The following RALA variants were observed in gnomAD, a reference collection of about 807,000 sequenced individuals.
RALA encodes the protein RAS like proto-oncogene A.
RALA carries 5 observed loss-of-function variants against 24.0 expected under a neutral mutation model. That is an observed-to-expected ratio of 0.21 (90% CI 0.11 to 0.44). The LOEUF is 0.44. RALA is among the 20% of genes least tolerant of loss of function. The pLI is 0.99. For synonymous variants in RALA, 77 were observed against 83.8 expected (o/e 0.92, Z 0.44); for missense variants, 95 against 241.2 (o/e 0.39, Z 4.01).
chr7:39,651,648 C>T (rs1792020112), intron 1 of RALA, among the ~76,000 whole-genome samples: 1 of 151,960 alleles, frequency 6.6e-6, no homozygotes, highest in South Asian at 2.1e-4. Context: ...GGCAGAAAGC[C>T]CTGGAAGTTA....
At chr7:39,659,757 G>A (rs1792155927) in intron 1 of RALA, among the ~76,000 whole-genome samples, 1 of 152,156 alleles carries the variant, frequency 6.6e-6, no homozygotes, top group Non-Finnish European at 1.5e-5. Context: ...GCAGAAAGGA[G>A]TACTAAAGCC....
intron 1 of RALA, among the ~76,000 whole-genome samples, chr7:39,627,452 A>C (rs548882323): frequency 6.6e-6 from 1 of 152,354 alleles, no homozygotes; most frequent in Non-Finnish European, 1.5e-5. Flanking sequence ...TGACATACAT[A>C]GTCTCCTTAA....
chr7:39,645,486 G>T (rs1243188110), intron 1 of RALA, among the ~76,000 whole-genome samples: 1 of 151,954 alleles, frequency 6.6e-6, no homozygotes, highest in Non-Finnish European at 1.5e-5. Flanking sequence ...AGTAATTGAG[G>T]GTTTTTTCTT....
intron 1 of RALA, among the ~76,000 whole-genome samples, chr7:39,634,633 A>G (rs556069214): frequency 5.9e-5 from 9 of 152,012 alleles, no homozygotes; most frequent in Non-Finnish European, 1.2e-4. Flanking sequence ...CCACTACCCT[A>G]TTAATCTCCA....
At chr7:39,697,971 G>GTGTA (rs1554298434) in intron 4 of RALA, among the ~76,000 whole-genome samples, 4,101 of 149,414 alleles carry the variant, frequency 0.027, 186 homozygotes, top group African/African-American at 0.09. Flanking sequence ...GTGTGTGTGT[G>GTGTA]TGTATGTGTG....
At chr7:39,625,850 A>G (rs78000862) in intron 1 of RALA, among the ~76,000 whole-genome samples, 3,770 of 152,344 alleles carry the variant, frequency 0.025, 67 homozygotes, top group Non-Finnish European at 0.041. Context: ...CTCTCCAAGT[A>G]TGTGGTGGTG....
chr7:39,647,034 T>C lies in RALA; in HGVS notation c.-38+23209T>C, dbSNP rs977465832. Among the ~76,000 whole-genome samples the C allele has an allele frequency of 3.9e-5, 6 of 152,314 alleles. No individual in the cohort carries two copies. In the East Asian group the frequency reaches 1.2e-3, roughly 29 times the overall value. Reference sequence around the variant, plus strand: ...ATAACTGAGTATTCCTGTTAGCTTATGAACAGATTCTTATTTATTTATTTT... The same window carrying C: ...ATAACTGAGTATTCCTGTTAGCTTACGAACAGATTCTTATTTATTTATTTT... On this transcript the variant is annotated intron_variant, in intron 1 of 4. Coordinates refer to ENST00000005257, the MANE Select transcript of RALA (RefSeq NM_005402.4).
intron 1 of RALA, among the ~76,000 whole-genome samples, chr7:39,680,782 C>G (rs1792581706): frequency 6.6e-6 from 1 of 152,128 alleles, no homozygotes; most frequent in African/African-American, 2.4e-5. Context: ...TCCCCCACCC[C>G]CATTTGAAGT....
intron 1 of RALA, among the ~76,000 whole-genome samples, chr7:39,682,988 G>A (rs968269872): frequency 5.9e-5 from 9 of 152,086 alleles, no homozygotes; most frequent in African/African-American, 2.2e-4. Flanking sequence ...TGGCAGTGGG[G>A]CTTTGGGAAG....
chr7:39,696,947 A>G (rs1792932834), intron 4 of RALA, 88 bp downstream of exon 4: 2 of 1,247,462 alleles, frequency 1.6e-6, no homozygotes, highest in Non-Finnish European at 2.2e-6. Context: ...AGTCTATGAA[A>G]CTTTCAAATA....
chr7:39,644,509 G>A (rs1791892577), intron 1 of RALA, among the ~76,000 whole-genome samples: 1 of 152,122 alleles, frequency 6.6e-6, no homozygotes. Context: ...AAATATGTAT[G>A]TGAATACTTT....
At chr7:39,639,279 ATTAC>A (rs1791739355) in intron 1 of RALA, among the ~76,000 whole-genome samples, 1 of 152,248 alleles carries the variant, frequency 6.6e-6, no homozygotes, top group Non-Finnish European at 1.5e-5. Flanking sequence ...AAGTAAGACT[ATTAC>A]TTAACCCAAT....
At chr7:39,698,037 C>T (rs1463694727) in intron 4 of RALA, among the ~76,000 whole-genome samples, 1 of 151,874 alleles carries the variant, frequency 6.6e-6, no homozygotes, top group African/African-American at 2.4e-5. Flanking sequence ...TGGAGGCTGG[C>T]GAGTCCAAGA....
intron 4 of RALA, among the ~76,000 whole-genome samples, chr7:39,702,045 T>C (rs569017305): frequency 6.6e-6 from 1 of 152,368 alleles, no homozygotes; most frequent in East Asian, 1.9e-4. Flanking sequence ...TGTGATTTAT[T>C]ATGTCAAGAG....
At chr7:39,628,627 C>G (rs963582966) in intron 1 of RALA, among the ~76,000 whole-genome samples, 1 of 152,228 alleles carries the variant, frequency 6.6e-6, no homozygotes, top group Non-Finnish European at 1.5e-5. Context: ...GCGATTTCGG[C>G]TCACTGCCGC....
At chr7:39,647,302 C>T (rs920113196) in intron 1 of RALA, among the ~76,000 whole-genome samples, 3 of 152,164 alleles carry the variant, frequency 2.0e-5, no homozygotes, top group Admixed American at 2.0e-4. Flanking sequence ...CTTGATCTCC[C>T]AAAGTGCTAG....
intron 1 of RALA, among the ~76,000 whole-genome samples, chr7:39,679,455 T>C (rs78106612): frequency 0.062 from 9,423 of 152,272 alleles, 384 homozygotes; most frequent in Non-Finnish European, 0.087. Context: ...TATCCCAGTA[T>C]AGCTTTATTT....
At chr7:39,655,029 A>G (rs1792073643) in intron 1 of RALA, among the ~76,000 whole-genome samples, 1 of 152,206 alleles carries the variant, frequency 6.6e-6, no homozygotes, top group Non-Finnish European at 1.5e-5. Flanking sequence ...GATTATAGTC[A>G]TGAGCCACCA....
chr7:39,701,099 C>A (rs997078313), intron 4 of RALA: 1 of 152,206 alleles, frequency 6.6e-6, no homozygotes, highest in Non-Finnish European at 1.5e-5. Flanking sequence ...AAGGAAGCTG[C>A]GGTGTGGGGA....
Sources: allele counts gnomAD v4.1 joint callset (sites outside exome capture counted in the v4.1 genomes callset), GRCh38; gene constraint gnomAD v4.1.1; transcripts MANE v1.5; gene names NCBI Gene and HGNC (gene_info 2026-07-23, HGNC 2026-07-21).